Variants in RELN observed in about 807,000 individuals in gnomAD.
RELN encodes reelin.
RELN carries 108 observed loss-of-function variants against 427.6 expected under a neutral mutation model. The observed-to-expected ratio is 0.25, with a 90% CI of 0.22 to 0.30. RELN has a LOEUF of 0.30. Ranked by LOEUF, RELN falls within the 10% of genes least tolerant of loss-of-function variation. The probability of loss-of-function intolerance (pLI) is 1.00; values close to 1 mark genes in which losing one functional copy is unlikely to be tolerated. For missense variants in RELN, 3,715 were observed against 4,302.8 expected, an observed-to-expected ratio of 0.86 and a Z score of 3.82; for synonymous variants, 1,524 against 1,513.4, an observed-to-expected ratio of 1.01 and a Z score of -0.16.
chr7:103,740,212 T>C (rs1790606980), intron 6 of RELN, among the ~76,000 whole-genome samples: 1 of 152,124 alleles, frequency 6.6e-6, no homozygotes, highest in Admixed American at 6.5e-5. Flanking sequence ...GAGGAGAATA[T>C]AAAGAAATTA....
At chr7:103,734,157 A>C (rs1033143236) in intron 6 of RELN, among the ~76,000 whole-genome samples, 4 of 152,170 alleles carry the variant, frequency 2.6e-5, no homozygotes, top group African/African-American at 9.7e-5. Context: ...AATGTTTTCC[A>C]CTTTCTCATG....
In RELN at chr7:103,596,468, A is replaced by C. The variant is rs755937551; in HGVS notation, c.3527T>G (p.Phe1176Cys). 2 of 1,613,714 alleles carry C rather than the reference A, an allele frequency of 1.2e-6. No individual in the cohort carries two copies. Among genetic ancestry groups the C allele is most frequent in the Admixed American group, 3.3e-5 (2 of 60,000 alleles). ...HLLAEMYFSDFSKPRFVYLEL... is the reference protein window; with the variant it reads ...HLLAEMYFSDCSKPRFVYLEL... Reference sequence around the variant, plus strand: ...GGTGGGTAGTTACCTGGGTTTGCTGAAGTCTGAAAAGTACATCTCTGCTAG... The same window carrying C: ...GGTGGGTAGTTACCTGGGTTTGCTGCAGTCTGAAAAGTACATCTCTGCTAG... Residue 1176 changes from phenylalanine (F) to cysteine (C), a missense_variant, in exon 25 of 65, where the codon TTC (phenylalanine) becomes TGC (cysteine). Transcript: ENST00000428762.
Position 103,968,634 on chromosome 7 carries a change from T to C in RELN, c.226+20497A>G, listed in dbSNP as rs1796703878. ...ATCTAATCTAACCATCTAGTAATTC[T>C]TTTCACTAAGCTATTTCTGCAACTT... On this transcript the variant is annotated intron_variant, in intron 1 of 64. Transcript: ENST00000428762. This position sits in a 1 kb window ranked among gnomAD's most constrained non-coding sequence, Gnocchi z 4.3. Among the ~76,000 whole-genome samples the C allele has an allele frequency of 6.6e-6, 1 of 152,184 alleles. No homozygotes were observed. The highest frequency in any genetic ancestry group is 6.5e-5 in the Admixed American group (1 of 15,282).
chr7:103,558,334 C>T (rs1466078369), intron 36 of RELN, among the ~76,000 whole-genome samples: 1 of 152,148 alleles, frequency 6.6e-6, no homozygotes, highest in Non-Finnish European at 1.5e-5. Flanking sequence ...CATTACATAT[C>T]TACAGGCCTT....
At chr7:103,786,173 T>C (rs1379210566) in intron 3 of RELN, among the ~76,000 whole-genome samples, 3 of 151,956 alleles carry the variant, frequency 2.0e-5, no homozygotes, top group African/African-American at 7.2e-5. Flanking sequence ...ACTTGTATTA[T>C]GAAAAATTTT....
In RELN at chr7:103,888,250, T is replaced by A. The variant is rs1019691238; in HGVS notation, c.337+28825A>T. Among the ~76,000 whole-genome samples, 594 of 151,322 alleles carry A rather than the reference T, an allele frequency of 3.9e-3. 19 individuals carry two copies. In the East Asian group the frequency reaches 0.068, roughly 17 times the overall value. ...AGCTCTTTTAAGAAAAAAAAATATA[T>A]ATATATATATCACCCGAGAACCTGA... On this transcript the variant is annotated intron_variant, in intron 2 of 64. Coordinates refer to ENST00000428762, the MANE Select transcript of RELN (RefSeq NM_005045.4).
intron 1 of RELN, among the ~76,000 whole-genome samples, chr7:103,918,024 CAGT>C (rs1258878366): frequency 6.6e-6 from 1 of 151,996 alleles, no homozygotes; most frequent in Non-Finnish European, 1.5e-5. Flanking sequence ...AGGTAGTGCA[CAGT>C]ACAAGGCTGT....
chr7:103,740,491 G>C (rs1244326261), intron 6 of RELN, among the ~76,000 whole-genome samples: 1 of 152,150 alleles, frequency 6.6e-6, no homozygotes, highest in African/African-American at 2.4e-5. Context: ...AAACTGAACA[G>C]ATAGTACATT....
intron 2 of RELN, among the ~76,000 whole-genome samples, chr7:103,886,580 T>C (rs1393146656): frequency 6.6e-6 from 1 of 152,208 alleles, no homozygotes; most frequent in Non-Finnish European, 1.5e-5. Context: ...GTCATCTTGA[T>C]ATTCAGAACA....
At chr7:103,932,957 A>G (rs1451243328) in intron 1 of RELN, among the ~76,000 whole-genome samples, 1 of 152,200 alleles carries the variant, frequency 6.6e-6, no homozygotes, top group East Asian at 1.9e-4. Flanking sequence ...GCTGGAGCAC[A>G]ATGAAATGGC....
intron 10 of RELN, among the ~76,000 whole-genome samples, chr7:103,684,503 C>A (rs1833722052): frequency 6.6e-6 from 1 of 152,090 alleles, no homozygotes; most frequent in Non-Finnish European, 1.5e-5. Flanking sequence ...TCAGCACCTA[C>A]ATGAAGTGAA....
chr7:103,551,116 G>T lies in RELN; in HGVS notation c.6253C>A (p.Gln2085Lys). The T allele has an allele frequency of 6.2e-7, 1 of 1,613,970 alleles. No individual in the cohort carries two copies. The highest frequency in any genetic ancestry group is 1.3e-5 in the African/African-American group (1 of 75,040). The change falls in exon 41 of 65, where the codon CAG becomes AAG. Residue 2085 changes from glutamine to lysine, a missense_variant. Gln to Lys is a moderately conservative substitution (Grantham distance 53). Transcript: ENST00000428762. ...PSSTYYAGTM[Q>K]GWRREVVHFG... The stretch of plus-strand genomic sequence containing the variant: ...TGCACGACCTCCCTCCTCCAGCCCT[G>T]CATGGTTCCTGCGTAGTAGGTGCTG...
Position 103,557,114 on chromosome 7 carries a change from C to A in RELN, c.5660G>T (p.Ser1887Ile), listed in dbSNP as rs1830541238. The A allele has an allele frequency of 3.1e-6, 5 of 1,613,644 alleles. No homozygotes were observed. The highest frequency in any genetic ancestry group is 4.2e-6 in the Non-Finnish European group (5 of 1,179,656). ...SHSILLQFSISGGITWHLMDE... is the reference protein window; with the variant it reads ...SHSILLQFSIIGGITWHLMDE... Reference sequence around the variant, plus strand: ...CATCAGGTGCCAAGTGATTCCTCCACTGATGGAGAATTGTAACAGAATAGA... The same window carrying A: ...CATCAGGTGCCAAGTGATTCCTCCAATGATGGAGAATTGTAACAGAATAGA... The change falls in exon 38 of 65, where the codon AGT becomes ATT. Residue 1887 changes from serine (S) to isoleucine (I), a missense_variant. Ser to Ile is a moderately radical substitution (Grantham distance 142). This residue lies in a region of RELN where 2,208 missense variants were observed against 2,361.7 expected (regional missense o/e 0.93). Transcript: ENST00000428762.
intron 19 of RELN, among the ~76,000 whole-genome samples, chr7:103,632,104 G>A (rs1832482657): frequency 6.6e-6 from 1 of 152,162 alleles, no homozygotes; most frequent in Non-Finnish European, 1.5e-5. Context: ...TGATATTGGT[G>A]ACTGAAGTGA....
intron 1 of RELN, among the ~76,000 whole-genome samples, chr7:103,933,051 T>G (rs1268522744): frequency 6.6e-6 from 1 of 152,134 alleles, no homozygotes; most frequent in Non-Finnish European, 1.5e-5. Context: ...GTTTGTGGTG[T>G]TTTATAAATA....
chr7:103,502,045 G>A (rs1829048058), intron 52 of RELN, among the ~76,000 whole-genome samples: 1 of 152,186 alleles, frequency 6.6e-6, no homozygotes, highest in Non-Finnish European at 1.5e-5. Flanking sequence ...CTCTTAAGAG[G>A]ATAAGGAGGA....
intron 1 of RELN, among the ~76,000 whole-genome samples, chr7:103,932,271 C>G (rs981058300): frequency 1.3e-5 from 2 of 152,160 alleles, no homozygotes; most frequent in Admixed American, 6.5e-5. Context: ...TTATCCTTAG[C>G]AAACTAATGC....
intron 6 of RELN, among the ~76,000 whole-genome samples, chr7:103,737,973 T>C (rs1328053701): frequency 6.6e-6 from 1 of 151,990 alleles, no homozygotes; most frequent in African/African-American, 2.4e-5. Context: ...TTCACATCTC[T>C]GTTGGCATCA....
At chr7:103,827,793 C>T (rs1038710317) in intron 3 of RELN, among the ~76,000 whole-genome samples, 3 of 151,604 alleles carry the variant, frequency 2.0e-5, no homozygotes, top group African/African-American at 7.3e-5. Context: ...TGCTTAAAAA[C>T]AGAAAACTAG....
Sources: allele counts gnomAD v4.1 joint callset (sites outside exome capture counted in the v4.1 genomes callset), GRCh38; gene constraint gnomAD v4.1.1; regional missense constraint gnomAD v4.1.1; non-coding constraint Gnocchi (gnomAD v3.1); transcripts MANE v1.5; gene names NCBI Gene and HGNC (gene_info 2026-07-23, HGNC 2026-07-21).